Variants in LYN observed in about 807,000 individuals in gnomAD.
LYN encodes the protein LYN proto-oncogene, Src family tyrosine kinase.
In LYN, 12 loss-of-function variants were observed where a neutral mutation model predicts 65.0. The ratio of observed to expected loss-of-function variants is 0.18; its 90% confidence interval spans 0.12 to 0.30. The LOEUF (loss-of-function observed/expected upper bound fraction) is 0.30. Ranked by LOEUF, LYN falls within the 10% of genes least tolerant of loss-of-function variation. LYN has a pLI of 1.00. For missense variants in LYN, 380 were observed against 623.2 expected (o/e 0.61, Z 4.16); for synonymous variants, 222 against 221.2 (o/e 1.00, Z -0.03).
chr8:55,916,910 C>T (rs1280512682), intron 1 of LYN, among the ~76,000 whole-genome samples: 4 of 151,906 alleles, frequency 2.6e-5, no homozygotes, highest in Non-Finnish European at 4.4e-5. Flanking sequence ...GGCACAATGG[C>T]TCATACCTGT....
chr8:55,969,759 T>C lies in LYN; in HGVS notation c.1016T>C (p.Val339Ala), dbSNP rs1585651408. ...CTGAAGAGCGATGAAGGTGGCAAAG[T>C]GCTGCTTCCAAAGCTCATTGACTTT... ...DFLKSDEGGK[V>A]LLPKLIDFSA... The change falls in exon 10 of 13, where the codon GTG (valine) becomes GCG (alanine). Residue 339 changes from valine (V) to alanine (A), a missense_variant. Val to Ala is a moderately conservative substitution (Grantham distance 64). This residue lies in a region of LYN where 223 missense variants were observed against 430.0 expected (regional missense o/e 0.52). Coordinates refer to ENST00000519728, the MANE Select transcript of LYN (RefSeq NM_002350.4). 2 of 1,614,092 alleles carry C rather than the reference T, an allele frequency of 1.2e-6. No individual in the cohort carries two copies. Among genetic ancestry groups the C allele is most frequent in the African/African-American group, 2.7e-5 (2 of 74,940 alleles).
At chr8:55,978,894 A>G (rs893728863) in intron 10 of LYN, among the ~76,000 whole-genome samples, 5 of 152,080 alleles carry the variant, frequency 3.3e-5, no homozygotes, top group African/African-American at 1.2e-4. Flanking sequence ...CTCTGCCTGC[A>G]CAGGCTCCTC....
intron 1 of LYN, among the ~76,000 whole-genome samples, chr8:55,923,724 G>C (rs1272993014): frequency 6.6e-6 from 1 of 152,036 alleles, no homozygotes; most frequent in Admixed American, 6.5e-5. Flanking sequence ...ATTTTTAGTA[G>C]AGATGAGGTT....
intron 1 of LYN, among the ~76,000 whole-genome samples, chr8:55,914,141 G>GA (rs1460611728): frequency 6.6e-6 from 1 of 151,914 alleles, no homozygotes; most frequent in Non-Finnish European, 1.5e-5. Flanking sequence ...AGAGAAAGAA[G>GA]AGGGAATATG....
intron 10 of LYN, among the ~76,000 whole-genome samples, chr8:55,981,353 G>A (rs1172006521): frequency 3.3e-5 from 5 of 152,056 alleles, no homozygotes; most frequent in African/African-American, 1.2e-4. Flanking sequence ...CCAGCACTTG[G>A]TGCAGTGCCT....
At chr8:56,000,204 G>A (rs1808476224) in intron 12 of LYN, among the ~76,000 whole-genome samples, 1 of 152,122 alleles carries the variant, frequency 6.6e-6, no homozygotes, top group African/African-American at 2.4e-5. Context: ...AAACCCACAT[G>A]GAGACAAGGA....
intron 12 of LYN, among the ~76,000 whole-genome samples, chr8:56,002,803 C>G (rs141211094): frequency 1.3e-5 from 2 of 152,006 alleles, no homozygotes; most frequent in Admixed American, 6.6e-5. Context: ...TTCAGGAGAT[C>G]GGGATCAGTA....
chr8:55,976,203 T>C (rs1480047193), intron 10 of LYN, among the ~76,000 whole-genome samples: 2 of 151,756 alleles, frequency 1.3e-5, no homozygotes, highest in Non-Finnish European at 2.9e-5. Flanking sequence ...GGTGCGTGCC[T>C]GTAATCCCAG....
chr8:55,900,104 C>G (rs1805218842), intron 1 of LYN, among the ~76,000 whole-genome samples: 1 of 152,154 alleles, frequency 6.6e-6, no homozygotes, highest in Non-Finnish European at 1.5e-5. Flanking sequence ...GACAAGAGCT[C>G]AGACACTGAA....
At chr8:56,002,886 C>T (rs572628485) in intron 12 of LYN, among the ~76,000 whole-genome samples, 6 of 152,128 alleles carry the variant, frequency 3.9e-5, no homozygotes, top group African/African-American at 1.4e-4. Context: ...TCAAGCAATC[C>T]TATTTACTTC....
At chr8:55,928,088 T>A (rs1345572088) in intron 1 of LYN, among the ~76,000 whole-genome samples, 6 of 152,148 alleles carry the variant, frequency 3.9e-5, no homozygotes, top group Admixed American at 3.9e-4. Context: ...GTAGTCAGTG[T>A]TTTAGATTTT....
chr8:55,928,647 A>G (rs986690557), intron 1 of LYN, among the ~76,000 whole-genome samples: 3 of 152,146 alleles, frequency 2.0e-5, no homozygotes, highest in Admixed American at 2.0e-4. Context: ...TATTAGATAT[A>G]TATTTTGCAA....
At chr8:55,961,406 G>C (rs989920687) in intron 8 of LYN, among the ~76,000 whole-genome samples, 1 of 152,060 alleles carries the variant, frequency 6.6e-6, no homozygotes, top group Non-Finnish European at 1.5e-5. Flanking sequence ...CCTATGATTT[G>C]ATCCTTAGCA....
At chr8:55,941,114 C>T (rs2130472466) in intron 1 of LYN, among the ~76,000 whole-genome samples, 1 of 152,282 alleles carries the variant, frequency 6.6e-6, no homozygotes, top group East Asian at 1.9e-4. Flanking sequence ...CTATGTTTAG[C>T]TGGAGCCAGG....
At chr8:56,007,610 G>A (rs752581266) in intron 12 of LYN, among the ~76,000 whole-genome samples, 11 of 152,084 alleles carry the variant, frequency 7.2e-5, no homozygotes, top group African/African-American at 2.2e-4. Context: ...TTCTTTCAGC[G>A]GTTTAAATTC....
intron 1 of LYN, among the ~76,000 whole-genome samples, chr8:55,891,050 C>A (rs1479019479): frequency 6.6e-6 from 1 of 151,002 alleles, no homozygotes; most frequent in Non-Finnish European, 1.5e-5. Context: ...TGTTATTCAG[C>A]CTTTAAAAAA....
At chr8:55,894,373 TA>T (rs1321288903) in intron 1 of LYN, among the ~76,000 whole-genome samples, 7 of 65,608 alleles carry the variant, frequency 1.1e-4, no homozygotes, top group African/African-American at 2.6e-4. Context: ...TTAACTTTCT[TA>T]ATTTTTTTTT....
In LYN at chr8:55,896,102, TA is replaced by T. The variant is rs200982543; in HGVS notation, c.-6+16011del. On this transcript the variant is annotated intron_variant, in intron 1 of 12. Coordinates refer to ENST00000519728, the MANE Select transcript of LYN (RefSeq NM_002350.4). The stretch of plus-strand genomic sequence containing the variant: ...AGCATCTCGTTAGGGGTAAAGCAAT[TA>T]AAAAAAAAAAACAAGTTTTAGCTAG... Among the ~76,000 whole-genome samples, 232 of 146,158 alleles carry T rather than the reference TA, an allele frequency of 1.6e-3. 2 individuals carry two copies. In the East Asian group the frequency reaches 0.03, roughly 19 times the overall value.
chr8:55,960,639 C>T (rs1807245431), intron 8 of LYN, among the ~76,000 whole-genome samples: 1 of 152,166 alleles, frequency 6.6e-6, no homozygotes, highest in Non-Finnish European at 1.5e-5. Context: ...TTCTCTTACC[C>T]TTTTTAGTTT....
Sources: allele counts gnomAD v4.1 joint callset (sites outside exome capture counted in the v4.1 genomes callset), GRCh38; gene constraint gnomAD v4.1.1; regional missense constraint gnomAD v4.1.1; transcripts MANE v1.5; gene names NCBI Gene and HGNC (gene_info 2026-07-23, HGNC 2026-07-21).